CTNNA3: variants seen among roughly 807,000 people sequenced by gnomAD.
The protein encoded by CTNNA3 is catenin alpha 3.
In CTNNA3, 76 loss-of-function variants were observed where a neutral mutation model predicts 95.7. That is an observed-to-expected ratio of 0.79 (90% CI 0.66 to 0.96). The LOEUF (loss-of-function observed/expected upper bound fraction) is 0.96. Ranked by LOEUF, CTNNA3 falls within the 40% of genes least tolerant of loss-of-function variation. CTNNA3 has a pLI of 0.00. For synonymous variants in CTNNA3, 431 were observed against 374.4 expected (o/e 1.15, Z -1.74); for missense variants, 1,191 against 1,089.8 (o/e 1.09, Z -1.31).
intron 2 of CTNNA3, among the ~76,000 whole-genome samples, chr10:67,643,144 A>T (rs1195789709): frequency 6.6e-6 from 1 of 152,240 alleles, no homozygotes; most frequent in Non-Finnish European, 1.5e-5. Flanking sequence ...TGCAGTCATA[A>T]AAAAGAACAA....
intron 1 of CTNNA3, among the ~76,000 whole-genome samples, chr10:67,684,368 T>C (rs938292498): frequency 6.6e-6 from 1 of 152,136 alleles, no homozygotes; most frequent in Non-Finnish European, 1.5e-5. Flanking sequence ...GAGCACTGAT[T>C]TGTGCGTTTT....
At chr10:66,246,112 C>A (rs2090313701) in intron 13 of CTNNA3, among the ~76,000 whole-genome samples, 1 of 152,220 alleles carries the variant, frequency 6.6e-6, no homozygotes, top group Non-Finnish European at 1.5e-5. Context: ...GCAATCTGTC[C>A]ACCTCCTGCT....
At chr10:66,694,724 A>G (rs1847693079) in intron 9 of CTNNA3, among the ~76,000 whole-genome samples, 2 of 152,216 alleles carry the variant, frequency 1.3e-5, no homozygotes, top group Non-Finnish European at 2.9e-5. Context: ...ATCAAACAAT[A>G]GCATACCATA....
At chr10:67,238,392 C>A in intron 5 of CTNNA3, among the ~76,000 whole-genome samples, 1 of 150,826 alleles carries the variant, frequency 6.6e-6, no homozygotes, top group South Asian at 2.1e-4. Context: ...GCCCAAAAGG[C>A]CAAATATATA....
At chr10:67,719,835 G>A (rs1006812221) in intron 1 of CTNNA3, among the ~76,000 whole-genome samples, 10 of 152,092 alleles carry the variant, frequency 6.6e-5, no homozygotes, top group Admixed American at 5.2e-4. Context: ...CCAGAGCTGA[G>A]TTCAAGTCCT....
At chr10:67,237,000 G>T (rs1406637123) in intron 5 of CTNNA3, among the ~76,000 whole-genome samples, 1 of 150,858 alleles carries the variant, frequency 6.6e-6, no homozygotes, top group Non-Finnish European at 1.5e-5. Flanking sequence ...CAGAGGAAAA[G>T]AAGTCATTAC....
At chr10:66,751,044 C>T (rs184068741) in intron 9 of CTNNA3, among the ~76,000 whole-genome samples, 217 of 152,166 alleles carry the variant, frequency 1.4e-3, no homozygotes, top group Non-Finnish European at 2.6e-3. Context: ...CCAAGGCGGG[C>T]GGATCACAAG....
At chr10:67,034,292 T>C (rs1467242912) in intron 7 of CTNNA3, among the ~76,000 whole-genome samples, 1 of 152,170 alleles carries the variant, frequency 6.6e-6, no homozygotes, top group African/African-American at 2.4e-5. Flanking sequence ...TGCCAAGCAA[T>C]CATTTATTCA....
intron 7 of CTNNA3, among the ~76,000 whole-genome samples, chr10:66,936,962 G>A (rs1382723390): frequency 6.6e-6 from 1 of 152,106 alleles, no homozygotes; most frequent in East Asian, 1.9e-4. Flanking sequence ...AAAGACCTTT[G>A]TAAAGCACTC....
chr10:67,352,144 AG>A (rs1455365731), intron 5 of CTNNA3, among the ~76,000 whole-genome samples: 5 of 152,038 alleles, frequency 3.3e-5, no homozygotes, highest in Non-Finnish European at 5.9e-5. Flanking sequence ...GTGTGATGAT[AG>A]AAGTGTGATC....
chr10:67,050,199 C>G (rs994793683), intron 7 of CTNNA3, among the ~76,000 whole-genome samples: 2 of 152,318 alleles, frequency 1.3e-5, no homozygotes, highest in Admixed American at 1.3e-4. Flanking sequence ...CCTGAAGAAT[C>G]TGCAATGCAG....
intron 5 of CTNNA3, among the ~76,000 whole-genome samples, chr10:67,443,249 T>G (rs1846600157): frequency 6.6e-6 from 1 of 151,342 alleles, no homozygotes; most frequent in Non-Finnish European, 1.5e-5. Context: ...AGTGCCGCAA[T>G]AAACATACGT....
chr10:66,208,772 C>T (rs926370373), intron 13 of CTNNA3, among the ~76,000 whole-genome samples: 3 of 151,936 alleles, frequency 2.0e-5, no homozygotes, highest in Non-Finnish European at 2.9e-5. Flanking sequence ...CAGCCCTCAG[C>T]CCTCAGCCGC....
intron 7 of CTNNA3, among the ~76,000 whole-genome samples, chr10:66,782,450 G>A (rs1316011543): frequency 6.6e-6 from 1 of 152,014 alleles, no homozygotes; most frequent in Non-Finnish European, 1.5e-5. Flanking sequence ...CAGCTCAATT[G>A]TCTCATTCTC....
Position 66,553,858 on chromosome 10 carries a change from A to T in CTNNA3, c.1375-33085T>A, listed in dbSNP as rs1422954439. Among the ~76,000 whole-genome samples, 3 of 152,026 alleles carry T rather than the reference A, an allele frequency of 2.0e-5. No individual in the cohort carries two copies. In the East Asian group the frequency reaches 5.8e-4, roughly 29 times the overall value. Reference sequence around the variant, plus strand: ...AATAATACTTTTACTCTCCTTTTGAACAATAAAAGGTCCTTCAATCAATTA... The same window carrying T: ...AATAATACTTTTACTCTCCTTTTGATCAATAAAAGGTCCTTCAATCAATTA... On this transcript the variant is annotated intron_variant, in intron 10 of 17. Transcript: ENST00000433211.
In CTNNA3 at chr10:66,276,585, G is replaced by A. The variant is rs2132147132; in HGVS notation, c.1884+3885C>T. On this transcript the variant is annotated intron_variant, in intron 13 of 17. Coordinates refer to ENST00000433211, the MANE Select transcript of CTNNA3 (RefSeq NM_013266.4). ...TCAAAAGCATAATTTGCATTTAACAGTCTATCATTTAGATACCTGATGTTA... is the reference window on the plus strand; with the variant it reads ...TCAAAAGCATAATTTGCATTTAACAATCTATCATTTAGATACCTGATGTTA... Among the ~76,000 whole-genome samples, 4 of 152,192 alleles carry A rather than the reference G, an allele frequency of 2.6e-5. 1 individual carries two copies. Among genetic ancestry groups the A allele is most frequent in the Admixed American group, 2.6e-4 (4 of 15,278 alleles).
chr10:67,566,929 C>A (rs898327637), intron 3 of CTNNA3, among the ~76,000 whole-genome samples: 12 of 149,098 alleles, frequency 8.0e-5, no homozygotes, highest in African/African-American at 2.7e-4. Flanking sequence ...GGACAAAAAA[C>A]CAAACACCAC....
chr10:66,175,937 T>A (rs985573327), intron 13 of CTNNA3, among the ~76,000 whole-genome samples: 3 of 152,216 alleles, frequency 2.0e-5, no homozygotes, highest in African/African-American at 7.2e-5. Context: ...AACACAGGGA[T>A]AAGCTCAAGA....
intron 10 of CTNNA3, among the ~76,000 whole-genome samples, chr10:66,564,730 G>T (rs1385379622): frequency 6.6e-6 from 1 of 152,184 alleles, no homozygotes. Context: ...CATAAAAGGT[G>T]AGGAAGGGAC....
Sources: gnomAD v4.1 joint callset for allele counts (sites outside exome capture counted in the v4.1 genomes callset) on GRCh38, gnomAD v4.1.1 for gene constraint, MANE v1.5 for transcripts, NCBI Gene and HGNC (gene_info 2026-07-23, HGNC 2026-07-21) for gene names.